CSMD1: variants seen among roughly 807,000 people sequenced by gnomAD.
The protein encoded by CSMD1 is CUB and Sushi multiple domains 1.
Under a neutral mutation model 417.5 loss-of-function variants are expected in CSMD1, and 213 were observed. The observed-to-expected ratio is 0.51, with a 90% confidence interval of 0.46 to 0.57. The LOEUF (loss-of-function observed/expected upper bound fraction) is 0.57, where lower values mean the gene tolerates loss of function less well. Among genes scored for constraint, CSMD1 ranks in the 20% least tolerant of loss-of-function variants. The pLI, the probability that CSMD1 is intolerant of heterozygous loss-of-function variation, is 0.00. For missense variants in CSMD1, 6,923 were observed against 4,529.7 expected (o/e 1.53, Z -15.17); for synonymous variants, 2,862 against 1,736.8 (o/e 1.65, Z -16.11).
chr8:3,649,666 C>G (rs1658012850), intron 7 of CSMD1, among the ~76,000 whole-genome samples: 1 of 152,176 alleles, frequency 6.6e-6, no homozygotes, highest in African/African-American at 2.4e-5. Flanking sequence ...GATTCCATTA[C>G]CTCCACCTGG....
chr8:3,316,181 C>A (rs929344064), intron 23 of CSMD1, among the ~76,000 whole-genome samples: 1 of 152,158 alleles, frequency 6.6e-6, no homozygotes, highest in Non-Finnish European at 1.5e-5. Context: ...AAATATTGTT[C>A]TAACTTGTAC....
chr8:4,526,368 G>A (rs943022217), intron 2 of CSMD1, among the ~76,000 whole-genome samples: 4 of 152,322 alleles, frequency 2.6e-5, no homozygotes, highest in South Asian at 4.1e-4. Flanking sequence ...CATGAAGATC[G>A]TGGTCTCCTC....
chr8:4,977,561 G>T (rs1810635377), intron 1 of CSMD1, among the ~76,000 whole-genome samples: 1 of 152,200 alleles, frequency 6.6e-6, no homozygotes, highest in South Asian at 2.1e-4. Flanking sequence ...CACAGTGGCT[G>T]GCTCCAGCCC....
chr8:4,631,277 G>T (rs191825436), intron 2 of CSMD1, among the ~76,000 whole-genome samples: 3 of 152,094 alleles, frequency 2.0e-5, no homozygotes, highest in Non-Finnish European at 4.4e-5. Context: ...CAGGAGAATC[G>T]CTGGAACCTG....
At chr8:4,224,145 T>C (rs1801206681) in intron 3 of CSMD1, among the ~76,000 whole-genome samples, 2 of 152,206 alleles carry the variant, frequency 1.3e-5, no homozygotes, top group African/African-American at 4.8e-5. Context: ...CTTAACTTTG[T>C]TTCGCTTACT....
chr8:3,925,574 G>A (rs924077319), intron 5 of CSMD1, among the ~76,000 whole-genome samples: 6 of 152,140 alleles, frequency 3.9e-5, no homozygotes, highest in Admixed American at 1.3e-4. Context: ...TGAGGTAACT[G>A]AATCGTGGAG....
chr8:4,442,159 A>G lies in CSMD1; in HGVS notation c.303-22094T>C, dbSNP rs546882219. Among the ~76,000 whole-genome samples, 14 of 152,332 alleles carry G rather than the reference A, an allele frequency of 9.2e-5. No homozygotes were observed. In the South Asian group the frequency reaches 2.5e-3, roughly 27 times the overall value. On this transcript the variant is annotated intron_variant, in intron 2 of 69. Coordinates refer to ENST00000635120, the MANE Select transcript of CSMD1 (RefSeq NM_033225.6). ...CTGATTCAGCAAAAACATCTGAAAC[A>G]CAGCTTCAAATGCAGGCAAAGTGAC...
chr8:3,536,870 C>T (rs927026300), intron 10 of CSMD1, among the ~76,000 whole-genome samples: 8 of 152,136 alleles, frequency 5.3e-5, no homozygotes, highest in Non-Finnish European at 8.8e-5. Context: ...AGATAAGAAT[C>T]CCAGGTAGAG....
At chr8:3,136,227 G>A (rs976743156) in intron 41 of CSMD1, among the ~76,000 whole-genome samples, 1 of 151,500 alleles carries the variant, frequency 6.6e-6, no homozygotes. Flanking sequence ...ATGTGTTGCA[G>A]AGAGGACAAC....
chr8:3,998,992 T>C (rs900211912), intron 4 of CSMD1, among the ~76,000 whole-genome samples: 13 of 148,760 alleles, frequency 8.7e-5, no homozygotes, highest in African/African-American at 2.7e-4. Flanking sequence ...AACTATATGA[T>C]AGTTTATATA....
intron 56 of CSMD1, among the ~76,000 whole-genome samples, chr8:2,973,895 T>C (rs1446290995): frequency 2.1e-5 from 3 of 145,716 alleles, no homozygotes; most frequent in South Asian, 2.2e-4. Context: ...TAGAGGATGA[T>C]GGTAGAGGAT....
At chr8:3,546,215 G>C (rs938965827) in intron 10 of CSMD1, among the ~76,000 whole-genome samples, 2 of 152,072 alleles carry the variant, frequency 1.3e-5, no homozygotes, top group Non-Finnish European at 2.9e-5. Flanking sequence ...AATTGTGTAA[G>C]GTTCTATGCA....
At chr8:4,694,576 G>C (rs12678852) in intron 1 of CSMD1, among the ~76,000 whole-genome samples, 1 of 151,774 alleles carries the variant, frequency 6.6e-6, no homozygotes, top group Non-Finnish European at 1.5e-5. Flanking sequence ...TATTAGCCAG[G>C]ATCGTCTTGA....
intron 1 of CSMD1, among the ~76,000 whole-genome samples, chr8:4,841,685 C>G (rs867629061): frequency 4.6e-5 from 7 of 151,776 alleles, no homozygotes; most frequent in South Asian, 4.2e-4. Context: ...CTGAGGCAGG[C>G]GGATCATCTG....
chr8:3,050,641 G>T (rs34744182), intron 50 of CSMD1, among the ~76,000 whole-genome samples: 38,747 of 151,856 alleles, frequency 0.26, 5,747 homozygotes, highest in East Asian at 0.36. Context: ...AAATAGTACC[G>T]TCTTAAATAG....
chr8:4,732,493 C>G (rs560336341), intron 1 of CSMD1, among the ~76,000 whole-genome samples: 1 of 151,984 alleles, frequency 6.6e-6, no homozygotes, highest in Non-Finnish European at 1.5e-5. Flanking sequence ...TTTTCACCAT[C>G]GATTACTTTT....
At chr8:4,221,435 A>G (rs983319631) in intron 3 of CSMD1, among the ~76,000 whole-genome samples, 2 of 152,086 alleles carry the variant, frequency 1.3e-5, no homozygotes, top group Non-Finnish European at 2.9e-5. Context: ...CTACTGGGTT[A>G]ACAGACAACT....
At chr8:4,079,607 A>G (rs1237307319) in intron 3 of CSMD1, among the ~76,000 whole-genome samples, 1 of 152,208 alleles carries the variant, frequency 6.6e-6, no homozygotes, top group East Asian at 1.9e-4. Context: ...AGCATTAAAG[A>G]TTTCTTCATG....
chr8:3,521,892 G>A (rs774219738), intron 10 of CSMD1, among the ~76,000 whole-genome samples: 2 of 152,116 alleles, frequency 1.3e-5, no homozygotes, highest in Admixed American at 6.6e-5. Flanking sequence ...CAAATTTTGT[G>A]TTGTCAATAA....
Sources: allele counts gnomAD v4.1 joint callset (sites outside exome capture counted in the v4.1 genomes callset), GRCh38; gene constraint gnomAD v4.1.1; transcripts MANE v1.5; gene names NCBI Gene and HGNC (gene_info 2026-07-23, HGNC 2026-07-21).